DNAI2: variants seen among roughly 807,000 people sequenced by gnomAD.
DNAI2 encodes the protein dynein axonemal intermediate chain 2.
A neutral mutation model predicts 74.7 loss-of-function variants in DNAI2; 63 were observed. The ratio of observed to expected loss-of-function variants is 0.84; its 90% confidence interval spans 0.69 to 1.04. The LOEUF (loss-of-function observed/expected upper bound fraction) is 1.04, where lower values mean the gene tolerates loss of function less well. Ranked by LOEUF, DNAI2 falls within the 50% of genes least tolerant of loss-of-function variation. The pLI is 0.00. For synonymous variants in DNAI2, 289 were observed against 314.9 expected, an observed-to-expected ratio of 0.92 and a Z score of 0.87; for missense variants, 688 against 803.2, an observed-to-expected ratio of 0.86 and a Z score of 1.73.
chr17:74,305,468 G>A, intron 9 of DNAI2, 26 bp downstream of exon 9: 2 of 1,607,960 alleles, frequency 1.2e-6, no homozygotes, highest in Admixed American at 1.7e-5. Flanking sequence ...GGGGACAGGA[G>A]GGGATGCAGG....
intron 5 of DNAI2, among the ~76,000 whole-genome samples, 178 bp from the exon 6 acceptor site, chr17:74,290,842 A>G (rs1002176904): frequency 6.6e-6 from 1 of 152,250 alleles, no homozygotes; most frequent in Non-Finnish European, 1.5e-5. Context: ...AGGGTCAAGA[A>G]TGCCAGATTC....
intron 5 of DNAI2, among the ~76,000 whole-genome samples, chr17:74,290,594 G>A (rs1335931071): frequency 6.6e-6 from 1 of 152,162 alleles, no homozygotes; most frequent in Non-Finnish European, 1.5e-5. Flanking sequence ...GCTAACGCCC[G>A]ACATTCCAAC....
intron 5 of DNAI2, 139 bp downstream of exon 5, chr17:74,289,875 G>A (rs1567850950): frequency 3.0e-6 from 3 of 1,003,068 alleles, no homozygotes; most frequent in East Asian, 2.5e-5. Flanking sequence ...CAGTCGAGGA[G>A]GAACACACTC....
intron 12 of DNAI2, 160 bp from the exon 13 acceptor site, chr17:74,313,961 C>A (rs1053464869): frequency 7.9e-6 from 9 of 1,134,454 alleles, no homozygotes; most frequent in Non-Finnish European, 1.0e-5. Flanking sequence ...CTGTCTGGGC[C>A]CTCACCAGCC....
intron 1 of DNAI2, chr17:74,281,383 C>T (rs909853497): frequency 1.0e-5 from 3 of 296,480 alleles, no homozygotes; most frequent in African/African-American, 4.3e-5. Context: ...CTCAGCCTCC[C>T]GAGTAGCTGG....
In DNAI2 at chr17:74,314,245, C is replaced by T; in HGVS notation, c.*29C>T. On this transcript the variant is annotated 3_prime_UTR_variant, in exon 13 of 14. Coordinates refer to ENST00000311014, the MANE Select transcript of DNAI2 (RefSeq NM_023036.6). Reference sequence around the variant, plus strand: ...TCAGCCTTCGACTGCGGCGCTATCCCTGTGTGCCTTCCTTTCCCACCTCTT... The same window carrying T: ...TCAGCCTTCGACTGCGGCGCTATCCTTGTGTGCCTTCCTTTCCCACCTCTT... The T allele has an allele frequency of 1.2e-6, 2 of 1,613,458 alleles. No individual in the cohort carries two copies. Among genetic ancestry groups the T allele is most frequent in the Non-Finnish European group, 1.7e-6 (2 of 1,179,566 alleles).
intron 3 of DNAI2, 114 bp downstream of exon 3, chr17:74,285,315 G>T (rs2051650731): frequency 2.2e-6 from 3 of 1,359,168 alleles, no homozygotes; most frequent in South Asian, 1.2e-5. Context: ...GTGAATGCTG[G>T]GGGGAAGGGG....
intron 2 of DNAI2, 45 bp downstream of exon 2, chr17:74,282,045 G>T (rs1039512695): frequency 1.2e-6 from 2 of 1,611,050 alleles, no homozygotes; most frequent in Non-Finnish European, 1.7e-6. Flanking sequence ...GTGTGGCCAG[G>T]CAGGGCGGCC....
intron 2 of DNAI2, 84 bp from the exon 3 acceptor site, chr17:74,284,956 C>G: frequency 6.3e-7 from 1 of 1,585,272 alleles, no homozygotes; most frequent in East Asian, 2.2e-5. Context: ...CCTGGGAGCC[C>G]CCGTGGGACC....
intron 6 of DNAI2, among the ~76,000 whole-genome samples, chr17:74,298,417 G>A (rs1055726782): frequency 1.3e-5 from 2 of 152,248 alleles, no homozygotes; most frequent in Non-Finnish European, 2.9e-5. Context: ...TGATTCTCAT[G>A]CCTCAGCCTC....
At chr17:74,305,665 ATTTCCTTT>A (rs2053148620) in intron 9 of DNAI2, among the ~76,000 whole-genome samples, 1 of 132,040 alleles carries the variant, frequency 7.6e-6, no homozygotes, top group Non-Finnish European at 1.6e-5. Context: ...GCTTAATTTT[ATTTCCTTT>A]TTTTTTTTTT....
intron 8 of DNAI2, among the ~76,000 whole-genome samples, chr17:74,301,498 G>A (rs920430337): frequency 4.6e-5 from 7 of 152,154 alleles, no homozygotes; most frequent in African/African-American, 1.4e-4. Context: ...GACCAACATC[G>A]GGAGGCCTGG....
rs1394463906 is a variant in DNAI2, at chr17:74,309,800, G to A, written c.1348-217G>A. 4 of 674,572 alleles carry A rather than the reference G, an allele frequency of 5.9e-6. No homozygotes were observed. The East Asian group carries it at 8.2e-5, about 14-fold the overall frequency. 41.8% of individuals were successfully genotyped at this position (674,572 alleles called of 1,614,324 possible). On this transcript the variant is annotated intron_variant, in intron 10 of 13. Transcript: ENST00000311014. ...GGCATTGGGGAACCACAGGGTGACT[G>A]TGAGGCGGAACTGAAGGGGTGGGGC...
chr17:74,285,163 G>C lies in DNAI2; in HGVS notation c.307G>C (p.Asp103His). The C allele has an allele frequency of 6.2e-7, 1 of 1,614,218 alleles. No individual in the cohort carries two copies. Among genetic ancestry groups the C allele is most frequent in the Non-Finnish European group, 8.5e-7 (1 of 1,180,036 alleles). Residue 103 changes from aspartate to histidine, a missense_variant, in exon 3 of 14, where the codon GAT becomes CAT. Physicochemically the swap from Asp to His is moderately conservative, Grantham distance 81 (BLOSUM62 -1). Transcript: ENST00000311014. ...TIRFRKKVEKDENYVNAIMQL... is the reference protein window; with the variant it reads ...TIRFRKKVEKHENYVNAIMQL... ...CCGTTTCCGGAAGAAAGTGGAGAAA[G>C]ATGAGAACTACGTTAACGCCATCAT...
chr17:74,299,814 C>T lies in DNAI2; in HGVS notation c.821C>T (p.Ser274Leu), dbSNP rs762976144. The T allele has an allele frequency of 5.0e-6, 8 of 1,613,446 alleles. No homozygotes were observed. Among genetic ancestry groups the T allele is most frequent in the East Asian group, 2.2e-5 (1 of 44,848 alleles). Reference protein sequence around the residue: ...DPVYGTIWLQSKTGTECFSAS... With the variant: ...DPVYGTIWLQLKTGTECFSAS... Reference sequence around the variant, plus strand: ...GTGTATGGCACCATCTGGCTGCAGTCGAAGACGGGCACCGAGTGCTTCTCA... The same window carrying T: ...GTGTATGGCACCATCTGGCTGCAGTTGAAGACGGGCACCGAGTGCTTCTCA... Residue 274 changes from serine to leucine, a missense_variant, in exon 7 of 14, where the codon TCG (serine) becomes TTG (leucine). By Grantham distance (145) the Ser-to-Leu change is moderately radical. Coordinates refer to ENST00000311014, the MANE Select transcript of DNAI2 (RefSeq NM_023036.6).
At chr17:74,284,155 A>T (rs962440521) in intron 2 of DNAI2, among the ~76,000 whole-genome samples, 1 of 145,776 alleles carries the variant, frequency 6.9e-6, no homozygotes, top group Admixed American at 6.8e-5. Flanking sequence ...AAAAAAAAAA[A>T]GCTGTAGTGA....
intron 1 of DNAI2, among the ~76,000 whole-genome samples, chr17:74,279,815 C>T (rs2051294374): frequency 6.6e-6 from 1 of 152,204 alleles, no homozygotes; most frequent in Admixed American, 6.5e-5. Context: ...AGGCATGAGC[C>T]ACAATGCCCG....
chr17:74,295,905 C>T (rs182402111), intron 6 of DNAI2, among the ~76,000 whole-genome samples: 1 of 152,266 alleles, frequency 6.6e-6, no homozygotes, highest in Admixed American at 6.5e-5. Context: ...AAAATCTCCC[C>T]TTCTCTGCTA....
chr17:74,275,420 C>T (rs933876951), intron 1 of DNAI2, among the ~76,000 whole-genome samples: 1 of 152,024 alleles, frequency 6.6e-6, no homozygotes, highest in African/African-American at 2.4e-5. Context: ...AGAAGGTGCA[C>T]AAGGACATAA....
Sources: allele counts gnomAD v4.1 joint callset (sites outside exome capture counted in the v4.1 genomes callset), GRCh38; gene constraint gnomAD v4.1.1; transcripts MANE v1.5; gene names NCBI Gene and HGNC (gene_info 2026-07-23, HGNC 2026-07-21).